EXOC3L4: variants seen among roughly 807,000 people sequenced by gnomAD.
EXOC3L4 encodes exocyst complex component 3-like protein 4.
EXOC3L4 carries 62 observed loss-of-function variants against 69.7 expected under a neutral mutation model. The ratio of observed to expected loss-of-function variants is 0.89; its 90% CI spans 0.72 to 1.10. EXOC3L4 has a LOEUF of 1.10. Among genes scored for constraint, EXOC3L4 ranks in the 50% least tolerant of loss-of-function variants. The probability of loss-of-function intolerance (pLI) is 0.00; values close to 1 mark genes in which losing one functional copy is unlikely to be tolerated. For missense variants in EXOC3L4, 1,087 were observed against 1,034.8 expected, an observed-to-expected ratio of 1.05 and a Z score of -0.69; for synonymous variants, 502 against 464.2, an observed-to-expected ratio of 1.08 and a Z score of -1.05.
intron 10 of EXOC3L4, 119 bp downstream of exon 10, chr14:103,107,902 G>T (rs1332808077): frequency 7.2e-7 from 1 of 1,391,438 alleles, no homozygotes; most frequent in Non-Finnish European, 9.5e-7. Context: ...TCTGGATCAG[G>T]TGGAACAGGG....
Position 103,104,292 on chromosome 14 carries a change from G to A in EXOC3L4, c.1187G>A (p.Ser396Asn), listed in dbSNP as rs201791354. Residue 396 changes from serine (S) to asparagine (N), a missense_variant, in exon 5 of 12, where the codon AGC (serine) becomes AAC (asparagine). Ser to Asn is a conservative substitution (Grantham distance 46). Coordinates refer to ENST00000688303, the MANE Select transcript of EXOC3L4 (RefSeq NM_001077594.2). The stretch of plus-strand genomic sequence containing the variant: ...GCCAAGATCGCAAGCTGCTTCGACA[G>A]CATCTTGCAGCTGGAGCAGAGTCAC... ...LEAKIASCFD[S>N]ILQLEQSHWA... is the part of the protein sequence containing the mutation. 5.6e-6 allele frequency: 9 copies of A among 1,596,086 alleles called. No individual in the cohort carries two copies. The highest frequency in any genetic ancestry group is 6.8e-6 in the Non-Finnish European group (8 of 1,173,180).
At chr14:103,098,499 T>A (rs931868688) in intron 1 of EXOC3L4, 1 of 152,282 alleles carries the variant, frequency 6.6e-6, no homozygotes, top group Non-Finnish European at 1.5e-5. Flanking sequence ...CAGTAGCTGA[T>A]CTGTGTCAGG....
In EXOC3L4 at chr14:103,107,468, C is replaced by T. The variant is rs1259654179; in HGVS notation, c.1626C>T (p.Asp542=). ...VVCTRDWLTQ[D]WLHPLMDKVV... Reference sequence around the variant, plus strand: ...GCACCAGGGACTGGCTGACGCAGGACTGGCTGCATCCCCTCATGGACAAGG... The same window carrying T: ...GCACCAGGGACTGGCTGACGCAGGATTGGCTGCATCCCCTCATGGACAAGG... The change falls in exon 9 of 12, where the codon GAC becomes GAT. Residue 542 remains aspartate (D), a synonymous_variant. Transcript: ENST00000688303. 1 of 1,613,898 alleles carries T rather than the reference C, an allele frequency of 6.2e-7. No homozygotes were observed. The highest frequency in any genetic ancestry group is 1.7e-5 in the Admixed American group (1 of 60,034).
At chr14:103,103,354 CAAAA>C (rs3070496) in intron 3 of EXOC3L4, among the ~76,000 whole-genome samples, 39 of 94,904 alleles carry the variant, frequency 4.1e-4, no homozygotes, top group African/African-American at 1.2e-3. Context: ...GACTCTGTCT[CAAAA>C]AAAAAAAAAA....
rs1890421302 is a variant in EXOC3L4 at position 103,104,520 on chromosome 14, C to T, written c.1284+131C>T. ...TTAGATGGGAGCCTGAGGCCCCACG[C>T]GGGGGGAAATCGGGGACCCCCGGCG... is the stretch of plus-strand genomic sequence containing the variant. On this transcript the variant is annotated intron_variant, in intron 5 of 11. Transcript: ENST00000688303. The T allele has an allele frequency of 2.9e-6, 4 of 1,361,374 alleles. No individual in the cohort carries two copies. In the African/African-American group the frequency reaches 6.1e-5, roughly 21 times the overall value. 84.3% of individuals were successfully genotyped at this position (1,361,374 alleles called of 1,614,324 possible).
rs867367377 is a variant in EXOC3L4, at chr14:103,107,348, C to T, written c.1582-76C>T. ...CCAGGAGGGAAGGGGTCAGGAGTGG[C>T]ACACTGGGCTTCGAGGGAGGGGTTA... is the stretch of plus-strand genomic sequence containing the variant. On this transcript the variant is annotated intron_variant, in intron 8 of 11. Transcript: ENST00000688303. 104 of 1,564,028 alleles carry T rather than the reference C, an allele frequency of 6.6e-5. No individual in the cohort carries two copies. The Middle Eastern group carries it at 2.0e-3, about 31-fold the overall frequency.
intron 4 of EXOC3L4, 46 bp from the exon 5 acceptor site, chr14:103,104,221 C>A (rs779409855): frequency 1.3e-6 from 2 of 1,506,872 alleles, no homozygotes; most frequent in African/African-American, 1.4e-5. Flanking sequence ...CGGCGCGGGA[C>A]GGGGTCTGGG....
chr14:103,108,746 C>T (rs1474905812), intron 11 of EXOC3L4, among the ~76,000 whole-genome samples: 1 of 152,082 alleles, frequency 6.6e-6, no homozygotes, highest in Non-Finnish European at 1.5e-5. Flanking sequence ...GGTGGGCACG[C>T]CTCCAGTCCT....
At chr14:103,101,397 C>T (rs1890179310) in intron 2 of EXOC3L4, among the ~76,000 whole-genome samples, 1 of 152,020 alleles carries the variant, frequency 6.6e-6, no homozygotes, top group Non-Finnish European at 1.5e-5. Flanking sequence ...GCAATGGGAG[C>T]CCCCCCATTG....
chr14:103,104,499 A>G (rs1890420329), intron 5 of EXOC3L4, 110 bp downstream of exon 5: 11 of 1,387,982 alleles, frequency 7.9e-6, no homozygotes, highest in Non-Finnish European at 1.0e-5. Context: ...CTTCCGTTAG[A>G]TGGGAGCCTG....
intron 1 of EXOC3L4, among the ~76,000 whole-genome samples, chr14:103,099,199 C>T (rs993426684): frequency 2.6e-5 from 4 of 152,148 alleles, no homozygotes; most frequent in Admixed American, 1.3e-4. Context: ...TGGCCTAATG[C>T]CCTCCCCCAC....
Position 103,107,625 on chromosome 14 carries a change from G to A in EXOC3L4, c.1702-6G>A, listed in dbSNP as rs748937827. 25 of 1,595,102 alleles carry A rather than the reference G, an allele frequency of 1.6e-5. No homozygotes were observed. The highest frequency in any genetic ancestry group is 2.2e-5 in the South Asian group (2 of 89,486). On this transcript the variant is annotated splice_polypyrimidine_tract_variant and splice_region_variant and intron_variant, in intron 9 of 11. Coordinates refer to ENST00000688303, the MANE Select transcript of EXOC3L4 (RefSeq NM_001077594.2). ...CTGACCCTGACCCTGACCCTGGGCC[G>A]CCCAGGAGACTCTGCAGGAGGTGCA...
intron 1 of EXOC3L4, among the ~76,000 whole-genome samples, chr14:103,096,398 A>AT (rs1440659126): frequency 1.5e-5 from 1 of 68,516 alleles, no homozygotes; most frequent in Non-Finnish European, 3.1e-5. Context: ...TTTTGGCAAG[A>AT]TTCTTTTTTT....
Position 103,108,551 on chromosome 14 carries a change from C to T in EXOC3L4, c.1976+34C>T, listed in dbSNP as rs761252650. The T allele has an allele frequency of 2.5e-6, 4 of 1,604,952 alleles. No homozygotes were observed. In the South Asian group the frequency reaches 3.3e-5, roughly 13 times the overall value. On this transcript the variant is annotated intron_variant, in intron 11 of 11. Coordinates refer to ENST00000688303, the MANE Select transcript of EXOC3L4 (RefSeq NM_001077594.2). ...CCCACCTGCTTCCACTAGCTTCCTA[C>T]CAGAGCTTCAGGGCCAAGGGGGCTG...
intron 4 of EXOC3L4, 56 bp downstream of exon 4, chr14:103,104,108 G>A (rs1595246739): frequency 6.8e-7 from 1 of 1,462,488 alleles, no homozygotes; most frequent in African/African-American, 1.5e-5. Flanking sequence ...GGGCCCTGGG[G>A]GGATGTGCGG....
At chr14:103,099,936 G>A (rs757539671) in intron 1 of EXOC3L4, among the ~76,000 whole-genome samples, 9 of 152,222 alleles carry the variant, frequency 5.9e-5, no homozygotes, top group Non-Finnish European at 1.0e-4. Context: ...GCCGAGTGAC[G>A]GTGGGCACCT....
intron 2 of EXOC3L4, among the ~76,000 whole-genome samples, chr14:103,101,727 G>T (rs1428508645): frequency 6.6e-6 from 1 of 152,232 alleles, no homozygotes; most frequent in African/African-American, 2.4e-5. Context: ...GGAGCAGCAG[G>T]AATGTAAAGC....
chr14:103,107,815 G>T, intron 10 of EXOC3L4, 32 bp downstream of exon 10: 5 of 1,479,032 alleles, frequency 3.4e-6, no homozygotes, highest in Non-Finnish European at 4.5e-6. Flanking sequence ...TTCGGTGCTC[G>T]CCTCTGTGTG....
Position 103,100,162 on chromosome 14 carries a change from G to A in EXOC3L4, c.-16-42G>A, listed in dbSNP as rs376949231. On this transcript the variant is annotated intron_variant, in intron 1 of 11. Transcript: ENST00000688303. Reference sequence around the variant, plus strand: ...GCCAGGCCCCACAGGGCCACAACAGGTTTCTGCATCTGCTCCTATGGCCAC... The same window carrying A: ...GCCAGGCCCCACAGGGCCACAACAGATTTCTGCATCTGCTCCTATGGCCAC... 5.9e-5 allele frequency: 88 copies of A among 1,481,660 alleles called. 7 individuals carry two copies. In the South Asian group the frequency reaches 1.1e-3, roughly 19 times the overall value. The allele number at this position is 1,481,660 out of a possible 1,614,324, so 91.8% of individuals were successfully genotyped here. A position where few individuals can be genotyped will look rare whatever the true frequency, so the allele number is the denominator to read the frequency against.
Sources: gnomAD v4.1 joint callset for allele counts (sites outside exome capture counted in the v4.1 genomes callset) on GRCh38, gnomAD v4.1.1 for gene constraint, MANE v1.5 for transcripts, NCBI Gene and HGNC (gene_info 2026-07-23, HGNC 2026-07-21) for gene names.